Variants in PPP3CA observed in about 807,000 individuals in gnomAD.
PPP3CA encodes the protein CAM-PRP catalytic subunit.
In PPP3CA, 14 loss-of-function variants were observed where a neutral mutation model predicts 66.5. The observed-to-expected ratio is 0.21, with a 90% CI of 0.14 to 0.33. The LOEUF (loss-of-function observed/expected upper bound fraction) is 0.33. Among genes scored for constraint, PPP3CA ranks in the 10% least tolerant of loss-of-function variants. The pLI is 1.00. For missense variants in PPP3CA, 317 were observed against 639.5 expected (o/e 0.50, Z 5.44); for synonymous variants, 232 against 226.2 (o/e 1.03, Z -0.23).
chr4:101,087,872 A>G (rs1419154889), intron 6 of PPP3CA, among the ~76,000 whole-genome samples: 1 of 152,100 alleles, frequency 6.6e-6, no homozygotes, highest in East Asian at 1.9e-4. Flanking sequence ...CAGCTAATGT[A>G]ATTTGGGAGT....
At chr4:101,267,581 C>G (rs1444014641) in intron 1 of PPP3CA, among the ~76,000 whole-genome samples, 1 of 152,044 alleles carries the variant, frequency 6.6e-6, no homozygotes, top group Non-Finnish European at 1.5e-5. Context: ...AGATGGGAGG[C>G]AGGAGGGGAT....
intron 1 of PPP3CA, among the ~76,000 whole-genome samples, chr4:101,341,882 A>T (rs1729830455): frequency 6.6e-6 from 1 of 152,168 alleles, no homozygotes. Context: ...AAGTATTCAA[A>T]ATGGTAATTT....
intron 2 of PPP3CA, among the ~76,000 whole-genome samples, chr4:101,165,167 T>C (rs1723652332): frequency 6.6e-6 from 1 of 152,116 alleles, no homozygotes; most frequent in Admixed American, 6.6e-5. Flanking sequence ...GCAAAAGCAG[T>C]TTATTTCATG....
At chr4:101,345,332 C>A (rs1729947087) in intron 1 of PPP3CA, among the ~76,000 whole-genome samples, 1 of 152,178 alleles carries the variant, frequency 6.6e-6, no homozygotes, top group Non-Finnish European at 1.5e-5. Flanking sequence ...ATTTCTGAAA[C>A]CCCAGAGGGA....
At chr4:101,106,705 C>T (rs1406168220) in intron 3 of PPP3CA, among the ~76,000 whole-genome samples, 1 of 152,036 alleles carries the variant, frequency 6.6e-6, no homozygotes, top group Non-Finnish European at 1.5e-5. Flanking sequence ...TGGGAAACAT[C>T]CTTAAACAAG....
At chr4:101,044,192 T>C (rs773067968) in intron 10 of PPP3CA, among the ~76,000 whole-genome samples, 5 of 152,238 alleles carry the variant, frequency 3.3e-5, no homozygotes, top group Admixed American at 6.5e-5. Context: ...GTAAATGTTC[T>C]GGTATACTAT....
At chr4:101,108,352 A>G (rs1165764237) in intron 3 of PPP3CA, among the ~76,000 whole-genome samples, 2 of 152,240 alleles carry the variant, frequency 1.3e-5, no homozygotes, top group Admixed American at 6.5e-5. Context: ...TATTTCTTTC[A>G]ATGGAAAATG....
chr4:101,129,652 G>A (rs1722364098), intron 2 of PPP3CA, among the ~76,000 whole-genome samples: 1 of 152,104 alleles, frequency 6.6e-6, no homozygotes, highest in Admixed American at 6.6e-5. Flanking sequence ...GCAGCAGAGG[G>A]GCCTGACTGT....
intron 10 of PPP3CA, among the ~76,000 whole-genome samples, chr4:101,050,402 C>T (rs1727957590): frequency 6.6e-6 from 1 of 152,110 alleles, no homozygotes; most frequent in Non-Finnish European, 1.5e-5. Context: ...AGGTAAAGAA[C>T]TTGTGCCTAG....
At chr4:101,275,472 A>G (rs962657951) in intron 1 of PPP3CA, among the ~76,000 whole-genome samples, 6 of 152,186 alleles carry the variant, frequency 3.9e-5, no homozygotes, top group Admixed American at 2.0e-4. Flanking sequence ...ATTCCTTGAG[A>G]GCACTGCATA....
Position 101,189,775 on chromosome 4 carries a change from T to C in PPP3CA, c.259+6141A>G, listed in dbSNP as rs577812058. Among the ~76,000 whole-genome samples the C allele has an allele frequency of 2.8e-5, 4 of 143,888 alleles. No homozygotes were observed. The South Asian group carries it at 8.9e-4, about 32-fold the overall frequency. 94.4% of individuals were successfully genotyped at this position (143,888 alleles called of 152,430 possible). A position where few individuals can be genotyped will look rare whatever the true frequency, so the allele number is the denominator to read the frequency against. On this transcript the variant is annotated intron_variant, in intron 2 of 13. Coordinates refer to ENST00000394854, the MANE Select transcript of PPP3CA (RefSeq NM_000944.5). ...ACTCAGTTTATCCCCCAAAAAACTA[T>C]AAAAAATTATGATCTACTGTCACCA...
intron 1 of PPP3CA, among the ~76,000 whole-genome samples, chr4:101,345,424 C>G (rs578084401): frequency 5.1e-4 from 78 of 152,158 alleles, no homozygotes; most frequent in Non-Finnish European, 8.8e-4. Flanking sequence ...GCCTTGCACT[C>G]TAGTTGCATG....
chr4:101,297,176 G>T (rs762530222), intron 1 of PPP3CA, among the ~76,000 whole-genome samples: 1 of 152,080 alleles, frequency 6.6e-6, no homozygotes, highest in Non-Finnish European at 1.5e-5. Context: ...TTTTGATTGA[G>T]ACTGCTACGT....
rs1316769550 is a variant in PPP3CA at position 101,160,900 on chromosome 4, T to C, written c.259+35016A>G. Among the ~76,000 whole-genome samples, 3 of 152,148 alleles carry C rather than the reference T, an allele frequency of 2.0e-5. No homozygotes were observed. In the East Asian group the frequency reaches 5.8e-4, roughly 29 times the overall value. On this transcript the variant is annotated intron_variant, in intron 2 of 13. Transcript: ENST00000394854. Reference sequence around the variant, plus strand: ...TATCAAGACAAAATCTGAATCCTTGTTGAAGTTCAAAATAATGACTCAGAT... The same window carrying C: ...TATCAAGACAAAATCTGAATCCTTGCTGAAGTTCAAAATAATGACTCAGAT...
intron 1 of PPP3CA, among the ~76,000 whole-genome samples, chr4:101,263,259 C>T (rs576562672): frequency 1.8e-4 from 28 of 152,288 alleles, no homozygotes; most frequent in Non-Finnish European, 3.2e-4. Context: ...AGTCCAGTGA[C>T]CCTTTAACTC....
At chr4:101,257,491 A>G (rs1390598327) in intron 1 of PPP3CA, among the ~76,000 whole-genome samples, 2 of 151,932 alleles carry the variant, frequency 1.3e-5, no homozygotes, top group Middle Eastern at 3.2e-3. Flanking sequence ...TTTAAATCAG[A>G]GACTAATGGT....
At position 101,174,286 on chromosome 4, in the gene PPP3CA, C is replaced by A. The variant is rs186886923; in HGVS notation, c.259+21630G>T. ...AAAATTGGCTCTTTTGAAACATGAA[C>A]CTAAACGATGTATTTTCAAGGAAGT... On this transcript the variant is annotated intron_variant, in intron 2 of 13. Coordinates refer to ENST00000394854, the MANE Select transcript of PPP3CA (RefSeq NM_000944.5). Among the ~76,000 whole-genome samples, 554 of 152,062 alleles carry A rather than the reference C, an allele frequency of 3.6e-3. 3 individuals carry two copies. Among genetic ancestry groups the A allele is most frequent in the African/African-American group, 0.013 (531 of 41,450 alleles).
At chr4:101,130,507 T>C (rs1014897618) in intron 2 of PPP3CA, among the ~76,000 whole-genome samples, 18 of 152,168 alleles carry the variant, frequency 1.2e-4, no homozygotes, top group African/African-American at 4.3e-4. Context: ...GAGAGAATGG[T>C]TGGGTTACCC....
At position 101,099,348 on chromosome 4, in the gene PPP3CA, C is replaced by G. The variant is rs1300002120; in HGVS notation, c.496+263G>C. ...ATTATTGTTCCAAACAGTAGCATCC[C>G]TAAATCACTTGTTTCTTAGGATAAA... On this transcript the variant is annotated intron_variant, in intron 4 of 13. Transcript: ENST00000394854. Among the ~76,000 whole-genome samples, 3 of 152,052 alleles carry G rather than the reference C, an allele frequency of 2.0e-5. No homozygotes were observed. In the East Asian group the frequency reaches 5.8e-4, roughly 29 times the overall value.
Sources: gnomAD v4.1 joint callset for allele counts (sites outside exome capture counted in the v4.1 genomes callset) on GRCh38, gnomAD v4.1.1 for gene constraint, MANE v1.5 for transcripts, NCBI Gene and HGNC (gene_info 2026-07-23, HGNC 2026-07-21) for gene names.